Variants in ZNF568 observed in about 807,000 individuals in gnomAD.
The protein encoded by ZNF568 is zinc finger protein 568.
Under a neutral mutation model 18.1 loss-of-function variants are expected in ZNF568, and 11 were observed. The ratio of observed to expected loss-of-function variants is 0.61; its 90% CI spans 0.38 to 1.00. The LOEUF (loss-of-function observed/expected upper bound fraction) is 1.00, where lower values mean the gene tolerates loss of function less well. Among genes scored for constraint, ZNF568 ranks in the 50% least tolerant of loss-of-function variants. The pLI is 0.01. For missense variants in ZNF568, 639 were observed against 768.2 expected (o/e 0.83, Z 1.99); for synonymous variants, 213 against 246.6 (o/e 0.86, Z 1.28).
At chr19:36,934,418 G>A (rs976888845) in intron 4 of ZNF568, among the ~76,000 whole-genome samples, 1 of 150,742 alleles carries the variant, frequency 6.6e-6, no homozygotes, top group Non-Finnish European at 1.5e-5. Flanking sequence ...AGGTGATCCT[G>A]CCACTTCAGC....
At chr19:36,930,065 C>G (rs2073658723) in intron 4 of ZNF568, among the ~76,000 whole-genome samples, 1 of 150,704 alleles carries the variant, frequency 6.6e-6, no homozygotes, top group Admixed American at 6.6e-5. Flanking sequence ...TACTGAATTT[C>G]TTAACATTTG....
downstream of ZNF568, among the ~76,000 whole-genome samples, chr19:36,980,957 G>C (rs1379611895): frequency 6.6e-6 from 1 of 152,138 alleles, no homozygotes. Flanking sequence ...ACTAACAGAC[G>C]TGGTCTTAGG....
chr19:36,997,675 CT>C, downstream of ZNF568: 1 of 1,069,198 alleles, frequency 9.4e-7, no homozygotes, highest in Non-Finnish European at 1.4e-6. Flanking sequence ...GGCCTCACAC[CT>C]TAGTCAACAT....
intron 6 of ZNF568, among the ~76,000 whole-genome samples, chr19:36,947,475 A>G (rs1049765252): frequency 2.0e-5 from 3 of 152,180 alleles, no homozygotes; most frequent in African/African-American, 4.8e-5. Context: ...AATCTAAATC[A>G]CATGGGAACT....
intron 2 of ZNF568, among the ~76,000 whole-genome samples, chr19:36,990,826 G>A (rs976609304): frequency 6.6e-6 from 1 of 152,162 alleles, no homozygotes; most frequent in African/African-American, 2.4e-5. Flanking sequence ...AAGAGGAAGA[G>A]GCAATGAGAA....
intron 6 of ZNF568, among the ~76,000 whole-genome samples, chr19:36,948,610 C>T (rs761552140): frequency 2.0e-5 from 3 of 147,046 alleles, no homozygotes; most frequent in Non-Finnish European, 3.0e-5. Flanking sequence ...GCTCTGCAAA[C>T]TTGTCAGCCT....
At chr19:36,984,566 AT>A (rs1467869680), downstream of ZNF568, among the ~76,000 whole-genome samples, 1 of 152,048 alleles carries the variant, frequency 6.6e-6, no homozygotes, top group Non-Finnish European at 1.5e-5. Flanking sequence ...GTTATCTTAG[AT>A]TATCCATGTA....
At chr19:36,969,735 CT>C in intron 6 of ZNF568, among the ~76,000 whole-genome samples, 1 of 150,968 alleles carries the variant, frequency 6.6e-6, no homozygotes, top group East Asian at 1.9e-4. Flanking sequence ...TTTAAGGACC[CT>C]TGTTGGGCCT....
chr19:36,937,866 A>G (rs1230794964), intron 6 of ZNF568, among the ~76,000 whole-genome samples: 1 of 152,186 alleles, frequency 6.6e-6, no homozygotes, highest in Non-Finnish European at 1.5e-5. Flanking sequence ...GGTTGAAAAG[A>G]TATAACCAAT....
downstream of ZNF568, among the ~76,000 whole-genome samples, chr19:36,957,520 G>A (rs2074117234): frequency 1.3e-5 from 2 of 152,294 alleles, no homozygotes; most frequent in East Asian, 1.9e-4. Flanking sequence ...AAGCCCACAC[G>A]CCTGGCTCAA....
At chr19:36,917,119 C>T (rs910901029) in intron 1 of ZNF568, among the ~76,000 whole-genome samples, 7 of 152,172 alleles carry the variant, frequency 4.6e-5, no homozygotes, top group African/African-American at 1.7e-4. Flanking sequence ...TCCTTACTCT[C>T]CTGTTCACAG....
chr19:36,979,671 A>G (rs1427564838), exon 8 of ZNF568: 2 of 152,122 alleles, frequency 1.3e-5, no homozygotes, highest in African/African-American at 2.4e-5. Context: ...ACATTTTTTC[A>G]TTTATATTGT....
intron 2 of ZNF568, among the ~76,000 whole-genome samples, chr19:36,986,580 A>T: frequency 6.6e-6 from 1 of 152,154 alleles, no homozygotes; most frequent in East Asian, 1.9e-4. Context: ...TGGTTGTAGT[A>T]ACTAGTCCCC....
exon 5 of ZNF568, chr19:36,997,123 C>T (rs752008255): frequency 6.8e-5 from 106 of 1,568,652 alleles, no homozygotes; most frequent in East Asian, 2.6e-4. Context: ...TGGTGAAAGA[C>T]GCTATGAATG....
chr19:36,971,654 T>G (rs2074236370), intron 6 of ZNF568, among the ~76,000 whole-genome samples: 1 of 152,342 alleles, frequency 6.6e-6, no homozygotes, highest in African/African-American at 2.4e-5. Flanking sequence ...CAGGCTGGAA[T>G]GCACCTCCTT....
At chr19:36,930,617 G>A (rs369085513) in intron 4 of ZNF568, among the ~76,000 whole-genome samples, 1 of 152,130 alleles carries the variant, frequency 6.6e-6, no homozygotes, top group Non-Finnish European at 1.5e-5. Flanking sequence ...TTCTCTTTTT[G>A]TAGTTTTCCC....
At chr19:36,969,781 A>G (rs1308915745) in intron 6 of ZNF568, among the ~76,000 whole-genome samples, 1 of 77,102 alleles carries the variant, frequency 1.3e-5, no homozygotes, top group African/African-American at 5.3e-5. Context: ...CCATCTCAAG[A>G]TTTTTTTTTT....
intron 4 of ZNF568, chr19:36,991,864 G>A (rs7248693): frequency 0.31 from 479,079 of 1,546,658 alleles, 79,195 homozygotes; most frequent in Non-Finnish European, 0.34. Context: ...ACGATGAACT[G>A]GAATGGGGAG....
chr19:36,937,199 G>A lies in ZNF568; in HGVS notation c.315G>A (p.Glu105=). 6.2e-7 allele frequency: 1 copy of A among 1,614,036 alleles called. No individual in the cohort carries two copies. The highest frequency in any genetic ancestry group is 8.5e-7 in the Non-Finnish European group (1 of 1,179,926). The part of the protein sequence containing the change: ...DVIFKLEQEE[E]PWVMEEEMFG... ...TATTCAAGTTGGAGCAAGAAGAGGA[G>A]CCCTGGGTGATGGAGGAAGAAATGT... Residue 105 remains glutamate (E), a synonymous_variant, in exon 6 of 7, where the codon GAG becomes GAA. Transcript: ENST00000333987.
Sources: gnomAD v4.1 joint callset for allele counts (sites outside exome capture counted in the v4.1 genomes callset) on GRCh38, gnomAD v4.1.1 for gene constraint, MANE v1.5 for transcripts, NCBI Gene and HGNC (gene_info 2026-07-23, HGNC 2026-07-21) for gene names.